The following CCDC30 variants were observed in gnomAD, a reference collection of about 807,000 sequenced individuals.
CCDC30 encodes the protein coiled-coil domain containing 30.
A neutral mutation model predicts 100.2 loss-of-function variants in CCDC30; 70 were observed. The observed-to-expected ratio is 0.70, with a 90% CI of 0.58 to 0.85. The LOEUF is 0.85. Ranked by LOEUF, CCDC30 falls within the 40% of genes least tolerant of loss-of-function variation. The probability of loss-of-function intolerance (pLI) is 0.00; values close to 1 mark genes in which losing one functional copy is unlikely to be tolerated. For missense variants in CCDC30, 652 were observed against 771.2 expected, an observed-to-expected ratio of 0.85 and a Z score of 1.83; for synonymous variants, 233 against 269.5, an observed-to-expected ratio of 0.86 and a Z score of 1.33.
chr1:42,457,368 T>A, the CCDC30 span: 1 of 1,595,428 alleles, frequency 6.3e-7, no homozygotes, highest in Admixed American at 1.7e-5. Flanking sequence ...GCGCTTCTCT[T>A]CCAGAGATCT....
chr1:42,465,836 C>G (rs899664370), intron 1 of CCDC30, among the ~76,000 whole-genome samples: 5 of 152,178 alleles, frequency 3.3e-5, no homozygotes, highest in African/African-American at 1.2e-4. Flanking sequence ...ACTGCCTCCA[C>G]AACAGCTCAG....
intron 6 of CCDC30, among the ~76,000 whole-genome samples, chr1:42,525,907 A>G (rs1644716817): frequency 6.6e-6 from 1 of 152,126 alleles, no homozygotes; most frequent in Non-Finnish European, 1.5e-5. Context: ...TTGTTCTTAC[A>G]GCTCTCTCAT....
rs369659878 is a variant in CCDC30, at chr1:42,581,524, G to T, written c.1001+10G>T. 1.2e-5 allele frequency: 19 copies of T among 1,603,322 alleles called. No homozygotes were observed. The African/African-American group carries it at 1.9e-4, about 16-fold the overall frequency. On this transcript the variant is annotated intron_variant, in intron 9 of 16. Transcript: ENST00000668663. ...AAGAACAACAGAAGAGGTAAGAGGA[G>T]CAGAGATCTCAGTTTCCTGTGGGTT... is the stretch of plus-strand genomic sequence containing the variant.
chr1:42,556,479 A>G, intron 6 of CCDC30, 74 bp downstream of exon 10: 14 of 1,448,658 alleles, frequency 9.7e-6, no homozygotes, highest in Non-Finnish European at 1.3e-5. Flanking sequence ...ATCATTTTAA[A>G]TACCATCATT....
intron 12 of CCDC30, among the ~76,000 whole-genome samples, chr1:42,641,058 C>T (rs1647346649): frequency 1.3e-5 from 2 of 151,700 alleles, no homozygotes; most frequent in African/African-American, 2.4e-5. Context: ...GAGTTTGAGA[C>T]CAGCCTGAGC....
intron 11 of CCDC30, among the ~76,000 whole-genome samples, chr1:42,614,149 C>T (rs912484062): frequency 2.7e-5 from 4 of 149,810 alleles, no homozygotes; most frequent in South Asian, 2.1e-4. Flanking sequence ...GGCCGGATCT[C>T]GGCTCACTGC....
At chr1:42,608,464 G>C (rs1387316791) in intron 10 of CCDC30, among the ~76,000 whole-genome samples, 1 of 152,196 alleles carries the variant, frequency 6.6e-6, no homozygotes, top group Non-Finnish European at 1.5e-5. Context: ...CACTTTGGGA[G>C]GCCGAGGCGG....
chr1:42,507,741 TA>T (rs1401216910), intron 6 of CCDC30, among the ~76,000 whole-genome samples: 1 of 152,122 alleles, frequency 6.6e-6, no homozygotes, highest in Non-Finnish European at 1.5e-5. Flanking sequence ...CCAGCATAGT[TA>T]GGGGGTTGTT....
chr1:42,461,842 G>A (rs942871771), upstream of CCDC30, among the ~76,000 whole-genome samples: 2 of 152,160 alleles, frequency 1.3e-5, no homozygotes, highest in East Asian at 1.9e-4. Context: ...ACCGCGCCCA[G>A]CCACCCAGGC....
intron 6 of CCDC30, among the ~76,000 whole-genome samples, chr1:42,532,758 TTTTATTTA>T (rs971011258): frequency 6.6e-6 from 1 of 151,946 alleles, no homozygotes; most frequent in Non-Finnish European, 1.5e-5. Flanking sequence ...GGGTGAAAGT[TTTTATTTA>T]TTTATTTATT....
At chr1:42,498,895 G>T (rs1644266790) in exon 6 of CCDC30, 13 of 1,233,618 alleles carry the variant, frequency 1.1e-5, no homozygotes, top group Non-Finnish European at 1.2e-5. Flanking sequence ...GAAAAACTGT[G>T]GGTGGTGAAC....
intron 1 of CCDC30, among the ~76,000 whole-genome samples, chr1:42,472,185 C>CAG (rs779210899): frequency 1.1e-4 from 17 of 151,960 alleles, no homozygotes; most frequent in Non-Finnish European, 1.3e-4. Context: ...ACCCAGGAGG[C>CAG]AGAGGTACAG....
intron 11 of CCDC30, among the ~76,000 whole-genome samples, chr1:42,630,450 T>G (rs1020089295): frequency 6.6e-6 from 1 of 151,962 alleles, no homozygotes; most frequent in African/African-American, 2.4e-5. Context: ...TGGCATGAAC[T>G]CAGCTCACTG....
At chr1:42,484,287 T>C (rs1644014878) in intron 3 of CCDC30, among the ~76,000 whole-genome samples, 1 of 152,198 alleles carries the variant, frequency 6.6e-6, no homozygotes, top group Non-Finnish European at 1.5e-5. Flanking sequence ...AACTATACAC[T>C]TAAAAGGGTG....
At chr1:42,605,035 C>T (rs1160057625) in intron 10 of CCDC30, among the ~76,000 whole-genome samples, 1 of 152,176 alleles carries the variant, frequency 6.6e-6, no homozygotes, top group Middle Eastern at 3.2e-3. Context: ...CATCAACTAA[C>T]TATGACAAGA....
intron 7 of CCDC30, among the ~76,000 whole-genome samples, chr1:42,572,710 G>A (rs954691179): frequency 6.6e-6 from 1 of 152,150 alleles, no homozygotes; most frequent in African/African-American, 2.4e-5. Flanking sequence ...TCTGCCTCCT[G>A]GGTTCAAGCA....
At chr1:42,649,223 C>T (rs183857332) in intron 15 of CCDC30, among the ~76,000 whole-genome samples, 1 of 152,160 alleles carries the variant, frequency 6.6e-6, no homozygotes, top group Non-Finnish European at 1.5e-5. Context: ...GATGCCAAAA[C>T]CAGGCAAGAC....
chr1:42,544,217 C>T (rs1271255408), intron 6 of CCDC30, among the ~76,000 whole-genome samples: 1 of 152,076 alleles, frequency 6.6e-6, no homozygotes, highest in Non-Finnish European at 1.5e-5. Flanking sequence ...AGAATCATTC[C>T]CCACCCATCC....
chr1:42,554,045 GTTTA>G (rs1460866976), intron 6 of CCDC30, among the ~76,000 whole-genome samples: 1 of 151,930 alleles, frequency 6.6e-6, no homozygotes, highest in Non-Finnish European at 1.5e-5. Context: ...ATACATACAT[GTTTA>G]TTTGTTTTTG....
Sources: allele counts gnomAD v4.1 joint callset (sites outside exome capture counted in the v4.1 genomes callset), GRCh38; gene constraint gnomAD v4.1.1; transcripts MANE v1.5; gene names NCBI Gene and HGNC (gene_info 2026-07-23, HGNC 2026-07-21).